Variants in PCCB observed in about 807,000 individuals in gnomAD.
PCCB encodes propionyl-CoA carboxylase beta chain, mitochondrial.
A neutral mutation model predicts 60.7 loss-of-function variants in PCCB; 43 were observed. That is an observed-to-expected ratio of 0.71 (90% CI 0.55 to 0.91). PCCB has a LOEUF of 0.91. Among genes scored for constraint, PCCB ranks in the 40% least tolerant of loss-of-function variants. The pLI, the probability that PCCB is intolerant of heterozygous loss-of-function variation, is 0.00. For synonymous variants in PCCB, 276 were observed against 255.9 expected (o/e 1.08, Z -0.75); for missense variants, 766 against 702.8 (o/e 1.09, Z -1.02).
chr3:136,312,152 A>G (rs1934691769), intron 9 of PCCB, among the ~76,000 whole-genome samples: 1 of 152,254 alleles, frequency 6.6e-6, no homozygotes, highest in African/African-American at 2.4e-5. Flanking sequence ...TAGTACAGTC[A>G]CGCGTTGCGT....
At chr3:136,257,177 G>A (rs1044593695) in intron 3 of PCCB, among the ~76,000 whole-genome samples, 1 of 152,202 alleles carries the variant, frequency 6.6e-6, no homozygotes, top group Non-Finnish European at 1.5e-5. Flanking sequence ...AGGGAGAGTA[G>A]CCTGATTTAT....
intron 6 of PCCB, among the ~76,000 whole-genome samples, chr3:136,293,381 T>C (rs1202223176): frequency 6.6e-6 from 1 of 152,190 alleles, no homozygotes; most frequent in Non-Finnish European, 1.5e-5. Context: ...TCCTCATATG[T>C]AAATGAGGGT....
In PCCB at chr3:136,329,997, T is replaced by G. The variant is rs1284814283; in HGVS notation, c.1591T>G (p.Trp531Gly). The change falls in exon 15 of 15, where the codon TGG becomes GGG. Residue 531 changes from tryptophan (W) to glycine (G), a missense_variant. By Grantham distance (184) the Trp-to-Gly change is radical (BLOSUM62 -2). Transcript: ENST00000251654. ...VLASKKVQRP[W>G]RKHANIPL ...GGCCAGCAAGAAGGTACAACGTCCT[T>G]GGAGAAAACATGCAAATATTCCATT... is the stretch of plus-strand genomic sequence containing the variant. The G allele has an allele frequency of 1.9e-6, 3 of 1,614,122 alleles. No individual in the cohort carries two copies. The highest frequency in any genetic ancestry group is 2.5e-6 in the Non-Finnish European group (3 of 1,179,982).
intron 9 of PCCB, among the ~76,000 whole-genome samples, chr3:136,314,688 C>A (rs1321776891): frequency 1.3e-5 from 2 of 151,862 alleles, no homozygotes; most frequent in Non-Finnish European, 2.9e-5. Context: ...AAAAACAAAA[C>A]AAAAAAACTC....
chr3:136,315,847 G>A (rs538891051), intron 9 of PCCB, among the ~76,000 whole-genome samples: 46 of 151,512 alleles, frequency 3.0e-4, no homozygotes, highest in African/African-American at 9.4e-4. Flanking sequence ...TAGTATTGTG[G>A]TAATGTTTAT....
chr3:136,324,048 A>G (rs563770537), intron 10 of PCCB, among the ~76,000 whole-genome samples: 25 of 150,796 alleles, frequency 1.7e-4, no homozygotes, highest in Non-Finnish European at 2.8e-4. Context: ...TCTTTTTGCA[A>G]TGACTTTTCC....
chr3:136,310,407 C>G (rs1187738816), intron 9 of PCCB, among the ~76,000 whole-genome samples: 1 of 151,904 alleles, frequency 6.6e-6, no homozygotes, highest in Non-Finnish European at 1.5e-5. Flanking sequence ...CCTGTAGTCC[C>G]AGCTACTGGG....
chr3:136,279,378 C>T (rs1942413775), intron 5 of PCCB, among the ~76,000 whole-genome samples: 1 of 152,036 alleles, frequency 6.6e-6, no homozygotes, highest in Admixed American at 6.5e-5. Flanking sequence ...CCATTATGGC[C>T]TTGGGGTGGT....
intron 5 of PCCB, among the ~76,000 whole-genome samples, chr3:136,275,701 G>A (rs1334216708): frequency 6.6e-6 from 1 of 152,080 alleles, no homozygotes; most frequent in Non-Finnish European, 1.5e-5. Flanking sequence ...GGGGAAGACT[G>A]TATGAGTTCC....
At chr3:136,299,918 GTA>G (rs1934176528) in intron 8 of PCCB, among the ~76,000 whole-genome samples, 1 of 151,646 alleles carries the variant, frequency 6.6e-6, no homozygotes. Context: ...GCATGTATAT[GTA>G]TGCATATGTA....
At chr3:136,298,848 G>T (rs1487387863) in intron 8 of PCCB, among the ~76,000 whole-genome samples, 1 of 152,186 alleles carries the variant, frequency 6.6e-6, no homozygotes, top group African/African-American at 2.4e-5. Context: ...TTGGGAAGAG[G>T]TCATTTTCAG....
chr3:136,299,242 A>G (rs1239195783), intron 8 of PCCB, among the ~76,000 whole-genome samples: 1 of 152,006 alleles, frequency 6.6e-6, no homozygotes, highest in African/African-American at 2.4e-5. Context: ...ATGCGTATAT[A>G]TGTATACGTG....
At chr3:136,251,263 G>T (rs1431643380) in intron 1 of PCCB, 1 of 456,730 alleles carries the variant, frequency 2.2e-6, no homozygotes, top group Non-Finnish European at 4.4e-6. Flanking sequence ...CTGGCCTTCA[G>T]AGATAAGCTG....
intron 5 of PCCB, among the ~76,000 whole-genome samples, chr3:136,263,767 T>C (rs1941894751): frequency 6.6e-6 from 1 of 152,158 alleles, no homozygotes; most frequent in Non-Finnish European, 1.5e-5. Context: ...GTCTCAGCAC[T>C]TTGGGAGGCC....
rs369612150 is a variant in PCCB at position 136,283,847 on chromosome 3, C to T, written c.554C>T (p.Thr185Met). Residue 185 changes from threonine to methionine, a missense_variant, in exon 6 of 15, where the codon ACG becomes ATG. Coordinates refer to ENST00000251654, the MANE Select transcript of PCCB (RefSeq NM_000532.5). ...GYADIFLRNV[T>M]ASGVIPQISL... The stretch of plus-strand genomic sequence containing the variant: ...TTTCTGTTTTGGCAGAGGAATGTTA[C>T]GGCATCCGGAGTCATCCCTCAGATT... The T allele has an allele frequency of 3.3e-5, 53 of 1,610,852 alleles. No homozygotes were observed. Among genetic ancestry groups the T allele is most frequent in the Admixed American group, 2.0e-4 (12 of 59,986 alleles).
At chr3:136,319,617 C>T (rs150919825) in intron 10 of PCCB, among the ~76,000 whole-genome samples, 1,727 of 152,190 alleles carry the variant, frequency 0.011, 29 homozygotes, top group East Asian at 0.047. Flanking sequence ...AGGCTGGTCT[C>T]GAACTCCTGA....
rs745829924 is a variant in PCCB, at chr3:136,250,554, A to G, written c.179A>G (p.Lys60Arg). The part of the protein sequence containing the change: ...GGQRRIDAQH[K>R]RGKLTARERI... ...CAACGCCGTATTGACGCGCAGCACA[A>G]GCGAGTGAGTCCTGAGGGGCCTAAG... The change falls in exon 1 of 15, where the codon AAG becomes AGG. Residue 60 changes from lysine (K) to arginine (R), a missense_variant. By Grantham distance (26) the Lys-to-Arg change is conservative. Coordinates refer to ENST00000251654, the MANE Select transcript of PCCB (RefSeq NM_000532.5). The G allele has an allele frequency of 1.2e-6, 2 of 1,611,916 alleles. No individual in the cohort carries two copies.
chr3:136,272,980 T>C (rs1942240102), intron 5 of PCCB, among the ~76,000 whole-genome samples: 1 of 152,236 alleles, frequency 6.6e-6, no homozygotes. Flanking sequence ...CTCTTAGCAC[T>C]ACTTTTGCTG....
At chr3:136,264,027 AT>A (rs1216762503) in intron 5 of PCCB, among the ~76,000 whole-genome samples, 25 of 150,386 alleles carry the variant, frequency 1.7e-4, no homozygotes, top group African/African-American at 6.0e-4. Context: ...AAAAAAAAAA[AT>A]TCAAACTTCA....
Sources: allele counts gnomAD v4.1 joint callset (sites outside exome capture counted in the v4.1 genomes callset), GRCh38; gene constraint gnomAD v4.1.1; transcripts MANE v1.5; gene names NCBI Gene and HGNC (gene_info 2026-07-23, HGNC 2026-07-21).